MAP3K9: variants seen among roughly 807,000 people sequenced by gnomAD.
The protein encoded by MAP3K9 is mixed lineage kinase 1 (tyr and ser/thr specificity).
Under a neutral mutation model 95.8 loss-of-function variants are expected in MAP3K9, and 46 were observed. The observed-to-expected ratio is 0.48, with a 90% CI of 0.38 to 0.61. The LOEUF (loss-of-function observed/expected upper bound fraction) is 0.61. Among genes scored for constraint, MAP3K9 ranks in the 20% least tolerant of loss-of-function variants. The pLI, the probability that MAP3K9 is intolerant of heterozygous loss-of-function variation, is 0.00. For synonymous variants in MAP3K9, 533 were observed against 593.8 expected (o/e 0.90, Z 1.49); for missense variants, 1,296 against 1,474.3 (o/e 0.88, Z 1.98).
chr14:70,809,503 C>T lies in MAP3K9; in HGVS notation c.-332G>A, dbSNP rs2055044139. On this transcript the variant is annotated 5_prime_UTR_variant, in exon 1 of 12. Coordinates refer to ENST00000554752, the MANE Select transcript of MAP3K9 (RefSeq NM_001284230.2). ...CCGCCGCTGCCAGCCGGCCGCCGCT[C>T]TCCTCTCCGCGCCGTGCCGTGCCCC... 5.8e-6 allele frequency: 1 copy of T among 171,052 alleles called. No individual in the cohort carries two copies. Among genetic ancestry groups the T allele is most frequent in the Non-Finnish European group, 1.2e-5 (1 of 80,934 alleles). The allele number at this position is 171,052 out of a possible 1,614,324, so 10.6% of individuals were successfully genotyped here.
chr14:70,762,544 CT>C (rs1555369856), intron 2 of MAP3K9, among the ~76,000 whole-genome samples: 1 of 152,098 alleles, frequency 6.6e-6, no homozygotes, highest in Non-Finnish European at 1.5e-5. Flanking sequence ...ATTTGTGTAT[CT>C]TCTTTGGAGA....
intron 2 of MAP3K9, among the ~76,000 whole-genome samples, chr14:70,767,505 G>T (rs1171228523): frequency 1.3e-5 from 2 of 152,044 alleles, no homozygotes; most frequent in African/African-American, 2.4e-5. Flanking sequence ...AGGTATTGGG[G>T]TAGGGGGTGG....
At chr14:70,792,140 A>G (rs565340753) in intron 2 of MAP3K9, among the ~76,000 whole-genome samples, 2 of 152,352 alleles carry the variant, frequency 1.3e-5, no homozygotes, top group South Asian at 2.1e-4. Context: ...CTCTGTATTC[A>G]TAGGAAACGC....
At chr14:70,733,888 C>T (rs1192054831) in intron 10 of MAP3K9, 5 of 699,932 alleles carry the variant, frequency 7.1e-6, no homozygotes, top group Non-Finnish European at 1.3e-5. Flanking sequence ...CACTTTTTCT[C>T]CTCTTGCCCT....
At position 70,723,319 on chromosome 14, in the gene MAP3K9, G is replaced by C. The variant is rs1163303976; in HGVS notation, c.*7061C>G. Reference sequence around the variant, plus strand: ...GGCTCACGGCCTTCAGTGGTATTGGGAGAAGAGCTACAGAATTGACATGTC... The same window carrying C: ...GGCTCACGGCCTTCAGTGGTATTGGCAGAAGAGCTACAGAATTGACATGTC... On this transcript the variant is annotated 3_prime_UTR_variant, in exon 12 of 12. Transcript: ENST00000554752. The C allele has an allele frequency of 6.6e-6, 1 of 152,272 alleles. No homozygotes were observed. The highest frequency in any genetic ancestry group is 1.9e-4 in the East Asian group (1 of 5,200). The allele number at this position is 152,272 out of a possible 1,614,324, so 9.4% of individuals were successfully genotyped here. A position where few individuals can be genotyped will look rare whatever the true frequency, so the allele number is the denominator to read the frequency against.
intron 2 of MAP3K9, among the ~76,000 whole-genome samples, chr14:70,789,139 G>T (rs999613549): frequency 2.0e-5 from 3 of 152,194 alleles, no homozygotes; most frequent in African/African-American, 7.2e-5. Flanking sequence ...ATTTTTCAGA[G>T]GACCAAGCAC....
intron 3 of MAP3K9, among the ~76,000 whole-genome samples, chr14:70,750,503 G>A (rs1381088006): frequency 1.3e-5 from 2 of 151,948 alleles, no homozygotes; most frequent in South Asian, 4.1e-4. Context: ...TGTTTGTTTT[G>A]GGATGGAGTT....
Position 70,730,479 on chromosome 14 carries a change from T to G in MAP3K9, c.3216A>C (p.Ala1072=). 1 of 1,614,150 alleles carries G rather than the reference T, an allele frequency of 6.2e-7. No individual in the cohort carries two copies. The highest frequency in any genetic ancestry group is 1.1e-5 in the South Asian group (1 of 91,088). The change falls in exon 12 of 12, where the codon GCA becomes GCC. Residue 1072 remains alanine, a synonymous_variant. Coordinates refer to ENST00000554752, the MANE Select transcript of MAP3K9 (RefSeq NM_001284230.2). ...CGGTGCTGTCCTGACTCTGCCCCTC[T>G]GCATCCAGGTCCAGGAGCGTCCGCT... ...PTERTLLDLD[A]EGQSQDSTVP... is the part of the protein sequence containing the mutation.
chr14:70,783,484 C>A (rs1566760417), intron 2 of MAP3K9: 3 of 838,776 alleles, frequency 3.6e-6, no homozygotes, highest in East Asian at 1.2e-4. Flanking sequence ...CTCCCCTTTC[C>A]TCCCATCACA....
At chr14:70,802,422 T>C (rs568497003) in intron 1 of MAP3K9, among the ~76,000 whole-genome samples, 3 of 152,214 alleles carry the variant, frequency 2.0e-5, no homozygotes, top group Admixed American at 6.5e-5. Flanking sequence ...TGATTATATA[T>C]TTTGTTGTGT....
intron 3 of MAP3K9, among the ~76,000 whole-genome samples, chr14:70,751,116 C>T (rs150816054): frequency 8.3e-4 from 126 of 152,272 alleles, no homozygotes; most frequent in African/African-American, 2.9e-3. Context: ...AACAGAGCAG[C>T]GCATCAGCTG....
At chr14:70,735,855 C>A in intron 9 of MAP3K9, 106 bp downstream of exon 9, 1 of 900,328 alleles carries the variant, frequency 1.1e-6, no homozygotes, top group East Asian at 2.5e-5. Flanking sequence ...TCAGTTCAGC[C>A]CTGGCAATAA....
Position 70,742,518 on chromosome 14 carries a change from C to T in MAP3K9, c.1400G>A (p.Arg467His), listed in dbSNP as rs373021591. The T allele has an allele frequency of 6.8e-6, 11 of 1,614,206 alleles. No homozygotes were observed. Among genetic ancestry groups the T allele is most frequent in the South Asian group, 4.4e-5 (4 of 91,082 alleles). Residue 467 changes from arginine (R) to histidine (H), a missense_variant, in exon 6 of 12, where the codon CGT becomes CAT. Coordinates refer to ENST00000554752, the MANE Select transcript of MAP3K9 (RefSeq NM_001284230.2). ...CCGCTCGGCCAGCTCCTGCTCCCGA[C>T]GCCGCAGCAGTTCCTCCTGGTTCTT... Reference protein sequence around the residue: ...QQKNQEELLRRREQELAEREI... With the variant: ...QQKNQEELLRHREQELAEREI...
intron 2 of MAP3K9, among the ~76,000 whole-genome samples, chr14:70,773,487 T>A (rs188628106): frequency 4.6e-5 from 7 of 152,262 alleles, no homozygotes; most frequent in African/African-American, 1.7e-4. Context: ...TCTCCCCTCC[T>A]CCCATAGTAA....
intron 2 of MAP3K9, among the ~76,000 whole-genome samples, chr14:70,795,529 C>T (rs2139850024): frequency 6.8e-6 from 1 of 147,846 alleles, no homozygotes; most frequent in East Asian, 2.1e-4. Context: ...CTAGGCTGGT[C>T]TCAAACTCCT....
intron 2 of MAP3K9, among the ~76,000 whole-genome samples, chr14:70,800,416 G>A (rs973273120): frequency 2.0e-5 from 3 of 151,994 alleles, no homozygotes; most frequent in African/African-American, 7.3e-5. Flanking sequence ...TAGTAGGGAA[G>A]GCCACTCTAG....
At chr14:70,774,061 C>T (rs2054563923) in intron 2 of MAP3K9, among the ~76,000 whole-genome samples, 2 of 152,152 alleles carry the variant, frequency 1.3e-5, no homozygotes, top group Non-Finnish European at 2.9e-5. Context: ...ATTTGGATAG[C>T]CTCTCCAAGC....
intron 3 of MAP3K9, among the ~76,000 whole-genome samples, chr14:70,759,780 G>C (rs1308788055): frequency 1.3e-5 from 2 of 152,056 alleles, no homozygotes; most frequent in Admixed American, 1.3e-4. Flanking sequence ...CTTGAGACAG[G>C]GTCTCTCTCT....
chr14:70,780,745 T>C (rs2054664219), intron 2 of MAP3K9, among the ~76,000 whole-genome samples: 1 of 152,124 alleles, frequency 6.6e-6, no homozygotes, highest in Non-Finnish European at 1.5e-5. Context: ...AACACCTGCC[T>C]CCCCTGAATT....
Sources: allele counts gnomAD v4.1 joint callset (sites outside exome capture counted in the v4.1 genomes callset), GRCh38; gene constraint gnomAD v4.1.1; transcripts MANE v1.5; gene names NCBI Gene and HGNC (gene_info 2026-07-23, HGNC 2026-07-21).